The following ST18 variants were observed in gnomAD, a reference collection of about 807,000 sequenced individuals.
ST18 encodes the protein ST18 C2H2C-type zinc finger transcription factor.
ST18 carries 50 observed loss-of-function variants against 110.0 expected under a neutral mutation model. That is an observed-to-expected ratio of 0.45 (90% CI 0.36 to 0.58). ST18 has a LOEUF of 0.58. Among genes scored for constraint, ST18 ranks in the 20% least tolerant of loss-of-function variants. The probability of loss-of-function intolerance (pLI) is 0.00; values close to 1 mark genes in which losing one functional copy is unlikely to be tolerated. For synonymous variants in ST18, 461 were observed against 452.4 expected (o/e 1.02, Z -0.24); for missense variants, 1,306 against 1,280.1 (o/e 1.02, Z -0.31).
intron 2 of ST18, among the ~76,000 whole-genome samples, chr8:52,326,536 C>G (rs1434860484): frequency 6.6e-6 from 1 of 152,094 alleles, no homozygotes; most frequent in Non-Finnish European, 1.5e-5. Context: ...TATATTTAGG[C>G]AGGTGAGGCT....
chr8:52,225,804 C>G (rs1259777239), intron 3 of ST18, among the ~76,000 whole-genome samples: 5 of 152,188 alleles, frequency 3.3e-5, no homozygotes. Flanking sequence ...CACAAATGTA[C>G]AGTGAGTGCT....
chr8:52,111,056 A>C lies in ST18; in HGVS notation c.*2142T>G. ...GTTGAAAAGAAAACAAATTCAGTGC[A>C]CATTACAAAACACATCAAGTACAAA... On this transcript the variant is annotated 3_prime_UTR_variant, in exon 26 of 26. Transcript: ENST00000689386. The C allele has an allele frequency of 2.5e-6, 1 of 398,732 alleles. No individual in the cohort carries two copies. The allele number at this position is 398,732 out of a possible 1,614,324, so 24.7% of individuals were successfully genotyped here. A position where few individuals can be genotyped will look rare whatever the true frequency, so the allele number is the denominator to read the frequency against.
intron 2 of ST18, among the ~76,000 whole-genome samples, chr8:52,354,348 G>A (rs1049019156): frequency 6.6e-6 from 1 of 152,184 alleles, no homozygotes; most frequent in African/African-American, 2.4e-5. Context: ...AAAGTCAGGG[G>A]GAGTCTTGAG....
intron 2 of ST18, among the ~76,000 whole-genome samples, chr8:52,349,837 T>C (rs534489535): frequency 6.6e-6 from 1 of 151,514 alleles, no homozygotes; most frequent in South Asian, 2.1e-4. Context: ...TGAGGAATCA[T>C]GGAATATCCC....
At chr8:52,385,179 T>C (rs1836104368) in intron 2 of ST18, among the ~76,000 whole-genome samples, 1 of 152,188 alleles carries the variant, frequency 6.6e-6, no homozygotes, top group Non-Finnish European at 1.5e-5. Flanking sequence ...TGTAAATGTA[T>C]GTTGAAGCTG....
chr8:52,211,764 A>G (rs1479342295), intron 8 of ST18, among the ~76,000 whole-genome samples: 1 of 152,174 alleles, frequency 6.6e-6, no homozygotes, highest in Admixed American at 6.5e-5. Context: ...CCTGACCATC[A>G]GTGTGAAATC....
At chr8:52,289,928 T>C (rs2095529043) in intron 2 of ST18, among the ~76,000 whole-genome samples, 1 of 152,114 alleles carries the variant, frequency 6.6e-6, no homozygotes, top group Non-Finnish European at 1.5e-5. Context: ...ATACCTTTTT[T>C]TTTTTAATAG....
At chr8:52,316,194 A>C (rs913452234) in intron 2 of ST18, among the ~76,000 whole-genome samples, 3 of 152,252 alleles carry the variant, frequency 2.0e-5, no homozygotes, top group African/African-American at 7.2e-5. Context: ...AAGTTATCCC[A>C]TAATCATGGC....
intron 17 of ST18, among the ~76,000 whole-genome samples, chr8:52,138,541 G>T (rs1586731388): frequency 6.6e-6 from 1 of 152,194 alleles, no homozygotes; most frequent in East Asian, 1.9e-4. Context: ...CTATGATTGT[G>T]CTACTGCACT....
intron 2 of ST18, among the ~76,000 whole-genome samples, chr8:52,341,620 C>T (rs1050402687): frequency 7.2e-5 from 11 of 152,300 alleles, no homozygotes; most frequent in African/African-American, 1.7e-4. Flanking sequence ...ATATCATATT[C>T]CAACATATGT....
At position 52,133,120 on chromosome 8, in the gene ST18, C is replaced by T. The variant is rs144563077; in HGVS notation, c.2381G>A (p.Arg794His). 6.1e-4 allele frequency: 991 copies of T among 1,614,114 alleles called. 1 individual carries two copies. Among genetic ancestry groups the T allele is most frequent in the Non-Finnish European group, 8.1e-4 (952 of 1,180,018 alleles). ...CATTTTGACACCACCTTTCCTTGCA[C>T]GAGGGCATCCGGACAAGCTGAAATA... ...ASHRSLSGCP[R>H]ARKGGVKMTP... The change falls in exon 21 of 26, where the codon CGT becomes CAT. Residue 794 changes from arginine to histidine, a missense_variant. Coordinates refer to ENST00000689386, the MANE Select transcript of ST18 (RefSeq NM_001352837.2).
chr8:52,226,692 G>A (rs2089560797), intron 3 of ST18, among the ~76,000 whole-genome samples: 1 of 152,176 alleles, frequency 6.6e-6, no homozygotes, highest in South Asian at 2.1e-4. Context: ...TTCAAGGCTT[G>A]TGTTGCAACT....
chr8:52,153,438 C>G (rs1328887255), intron 15 of ST18, among the ~76,000 whole-genome samples: 1 of 152,114 alleles, frequency 6.6e-6, no homozygotes, highest in Non-Finnish European at 1.5e-5. Context: ...TTGGGAGTAT[C>G]TTTTCCATAC....
intron 16 of ST18, among the ~76,000 whole-genome samples, chr8:52,147,368 T>C (rs139276712): frequency 4.7e-4 from 71 of 152,246 alleles, no homozygotes; most frequent in African/African-American, 1.6e-3. Context: ...TGATAAGAAC[T>C]GTGGCTAAGG....
intron 2 of ST18, among the ~76,000 whole-genome samples, chr8:52,324,778 C>T (rs1356975838): frequency 6.6e-6 from 1 of 152,090 alleles, no homozygotes; most frequent in Non-Finnish European, 1.5e-5. Flanking sequence ...ATATTCATTA[C>T]CTCATTTAAT....
intron 2 of ST18, among the ~76,000 whole-genome samples, chr8:52,277,645 C>A (rs575550421): frequency 6.6e-6 from 1 of 152,270 alleles, no homozygotes; most frequent in South Asian, 2.1e-4. Flanking sequence ...TGTGTTTATT[C>A]ATCAAGGTGA....
At chr8:52,223,181 T>A (rs940409563) in intron 3 of ST18, among the ~76,000 whole-genome samples, 16 of 152,214 alleles carry the variant, frequency 1.1e-4, no homozygotes, top group African/African-American at 3.9e-4. Flanking sequence ...GTACTGCGCC[T>A]GAGAAAGACA....
chr8:52,175,818 G>T (rs10091292), intron 9 of ST18, among the ~76,000 whole-genome samples: 23,792 of 152,088 alleles, frequency 0.16, 4,377 homozygotes, highest in African/African-American at 0.45. Flanking sequence ...CCAGGGCTGC[G>T]TGGCTCCCAC....
intron 11 of ST18, among the ~76,000 whole-genome samples, chr8:52,166,414 T>C (rs965651787): frequency 6.6e-6 from 1 of 152,172 alleles, no homozygotes; most frequent in Admixed American, 6.5e-5. Context: ...CAGAGGCAGG[T>C]ACCAGACAAC....
Sources: allele counts gnomAD v4.1 joint callset (sites outside exome capture counted in the v4.1 genomes callset), GRCh38; gene constraint gnomAD v4.1.1; transcripts MANE v1.5; gene names NCBI Gene and HGNC (gene_info 2026-07-23, HGNC 2026-07-21).